Variants in AMDHD1 observed in about 807,000 individuals in gnomAD.
AMDHD1 encodes the protein amidohydrolase domain containing 1, also known as probable imidazolonepropionase.
In AMDHD1, 45 loss-of-function variants were observed where a neutral mutation model predicts 44.1. The ratio of observed to expected loss-of-function variants is 1.02; its 90% CI spans 0.80 to 1.31. The LOEUF (loss-of-function observed/expected upper bound fraction) is 1.31, where lower values mean the gene tolerates loss of function less well. AMDHD1 is among the 50% of genes most tolerant of loss of function. The pLI is 0.00. For synonymous variants in AMDHD1, 206 were observed against 205.0 expected (o/e 1.00, Z -0.04); for missense variants, 586 against 552.1 (o/e 1.06, Z -0.61).
intron 7 of AMDHD1, 29 bp from the exon 8 acceptor site, chr12:95,966,319 C>A: frequency 6.2e-7 from 1 of 1,611,088 alleles, no homozygotes; most frequent in Non-Finnish European, 8.5e-7. Flanking sequence ...ATGTCACTTT[C>A]CTCCAACACT....
At chr12:95,960,699 TC>T in intron 5 of AMDHD1, 76 bp downstream of exon 5, 1 of 1,403,200 alleles carries the variant, frequency 7.1e-7, no homozygotes, top group South Asian at 1.3e-5. Flanking sequence ...TTAATTAGTT[TC>T]TTCAAAGCCC....
At chr12:95,955,851 A>G (rs1314656155) in intron 3 of AMDHD1, among the ~76,000 whole-genome samples, 1 of 152,194 alleles carries the variant, frequency 6.6e-6, no homozygotes, top group Non-Finnish European at 1.5e-5. Context: ...GACCCTAGAA[A>G]GAGCCTCTTT....
chr12:95,952,939 C>A (rs59309593), intron 2 of AMDHD1, 116 bp downstream of exon 2: 64,871 of 616,974 alleles, frequency 0.11, 6,222 homozygotes, highest in East Asian at 0.42. Flanking sequence ...TAAAAAAAAT[C>A]ATCGTTCCAT....
intron 5 of AMDHD1, 71 bp downstream of exon 5, chr12:95,960,694 T>TA: frequency 7.0e-7 from 1 of 1,436,100 alleles, no homozygotes; most frequent in Non-Finnish European, 9.6e-7. Flanking sequence ...GAAACTTAAT[T>TA]AGTTTCTTCA....
intron 1 of AMDHD1, among the ~76,000 whole-genome samples, chr12:95,946,804 A>ACGGGGTTT (rs2080498918): frequency 8.6e-5 from 2 of 23,256 alleles, no homozygotes. Context: ...TTTGGTGGAG[A>ACGGGGTTT]CGGGGTTTCG....
At chr12:95,944,300 C>A (rs969768940) in intron 1 of AMDHD1, among the ~76,000 whole-genome samples, 2 of 151,862 alleles carry the variant, frequency 1.3e-5, no homozygotes, top group African/African-American at 4.8e-5. Flanking sequence ...AAGAGCCCAG[C>A]TTTTAAGGGA....
At chr12:95,949,719 GTTTTTTCACTTAGTCATAAATAGTGAA>G (rs1008593407) in intron 1 of AMDHD1, among the ~76,000 whole-genome samples, 10 of 152,126 alleles carry the variant, frequency 6.6e-5, no homozygotes, top group African/African-American at 2.2e-4. Context: ...TTGTATTCGG[GTTTTTTCACTTAGTCATAAATAGTGAA>G]AATCTCACCA....
Position 95,967,736 on chromosome 12 carries a change from G to GTT in AMDHD1, c.1194-6_1194-5dup, listed in dbSNP as rs55989254. The stretch of plus-strand genomic sequence containing the variant: ...TGCACACATTGAAGTAATATTTGTT[G>GTT]TTTTTTTTTTTTTTTCTAGATGGGA... On this transcript the variant is annotated intron_variant, in intron 8 of 8. Transcript: ENST00000266736. The GTT allele has an allele frequency of 0.062, 77,736 of 1,244,282 alleles. 150 individuals are homozygous for GTT. Among genetic ancestry groups the GTT allele is most frequent in the East Asian group, 0.21 (6,890 of 33,266 alleles). The allele number at this position is 1,244,282 out of a possible 1,614,324, so 77.1% of individuals were successfully genotyped here.
At chr12:95,963,032 T>C (rs1395024648) in intron 6 of AMDHD1, among the ~76,000 whole-genome samples, 3 of 152,226 alleles carry the variant, frequency 2.0e-5, no homozygotes, top group Non-Finnish European at 4.4e-5. Flanking sequence ...TTAGTTCGTC[T>C]GTTATTACTG....
chr12:95,963,719 TA>T (rs1368747478), intron 6 of AMDHD1, among the ~76,000 whole-genome samples: 9 of 152,188 alleles, frequency 5.9e-5, no homozygotes, highest in African/African-American at 2.2e-4. Flanking sequence ...TTTTGTTTTT[TA>T]TTTTTTTGGA....
At chr12:95,956,615 G>T in intron 3 of AMDHD1, 70 bp from the exon 4 acceptor site, 2 of 1,574,834 alleles carry the variant, frequency 1.3e-6, no homozygotes, top group South Asian at 1.2e-5. Context: ...ATTGCCCCTG[G>T]AAGTAGATTC....
chr12:95,963,279 C>T (rs1312784113), intron 6 of AMDHD1, among the ~76,000 whole-genome samples: 1 of 152,112 alleles, frequency 6.6e-6, no homozygotes, highest in Non-Finnish European at 1.5e-5. Flanking sequence ...CCTCAGGGGA[C>T]ATTTGGCAAT....
At chr12:95,958,185 T>C (rs182761609) in intron 4 of AMDHD1, among the ~76,000 whole-genome samples, 4 of 152,152 alleles carry the variant, frequency 2.6e-5, no homozygotes, top group Non-Finnish European at 4.4e-5. Flanking sequence ...TACATACTTA[T>C]CACTTTTTGT....
rs1336124443 is a variant in AMDHD1, at chr12:95,960,379, A to G, written c.588-19A>G. 2.5e-6 allele frequency: 4 copies of G among 1,608,266 alleles called. No homozygotes were observed. In the Admixed American group the frequency reaches 6.7e-5, roughly 27 times the overall value. On this transcript the variant is annotated intron_variant, in intron 4 of 8. Coordinates refer to ENST00000266736, the MANE Select transcript of AMDHD1 (RefSeq NM_152435.3). ...TTGTTTTTAATATTTGCCCATGGCA[A>G]TCTCATTTTCTTCCCCAGAGGAAAA...
intron 1 of AMDHD1, among the ~76,000 whole-genome samples, chr12:95,948,389 G>T (rs1267030613): frequency 1.6e-5 from 1 of 62,992 alleles, no homozygotes; most frequent in Non-Finnish European, 2.9e-5. Flanking sequence ...TGCCCGGCCA[G>T]TGGCCCCGTC....
chr12:95,943,403 C>A lies in AMDHD1; in HGVS notation c.5C>A (p.Ala2Glu). ...CGACCCTCGGCGCGAGGCGACATGGCAAGCGGCCACAGCCTCCTGCTGGAG... is the reference window on the plus strand; with the variant it reads ...CGACCCTCGGCGCGAGGCGACATGGAAAGCGGCCACAGCCTCCTGCTGGAG... M[A>E]SGHSLLLENA... is the part of the protein sequence containing the mutation. Residue 2 changes from alanine (A) to glutamate (E), a missense_variant, in exon 1 of 9, where the codon GCA becomes GAA. Physicochemically the swap from Ala to Glu is moderately radical, Grantham distance 107. Transcript: ENST00000266736. The A allele has an allele frequency of 1.3e-6, 2 of 1,496,922 alleles. No homozygotes were observed. Among genetic ancestry groups the A allele is most frequent in the Non-Finnish European group, 1.8e-6 (2 of 1,130,090 alleles). 92.7% of individuals were successfully genotyped at this position (1,496,922 alleles called of 1,614,324 possible). A position where few individuals can be genotyped will look rare whatever the true frequency, so the allele number is the denominator to read the frequency against.
chr12:95,966,290 T>G, intron 7 of AMDHD1, 58 bp from the exon 8 acceptor site: 1 of 1,593,672 alleles, frequency 6.3e-7, no homozygotes, highest in Non-Finnish European at 8.6e-7. Context: ...TGAGAAATGT[T>G]TTAAATTGCA....
chr12:95,963,023 T>C (rs1011226088), intron 6 of AMDHD1, among the ~76,000 whole-genome samples: 6 of 152,182 alleles, frequency 3.9e-5, no homozygotes, highest in Non-Finnish European at 5.9e-5. Context: ...TGAATATACT[T>C]AGTTCGTCTG....
Position 95,946,354 on chromosome 12 carries a change from G to A in AMDHD1, c.137+2819G>A, listed in dbSNP as rs1024762130. 3.3e-5 allele frequency among the ~76,000 whole-genome samples: 5 copies of A among 152,154 alleles called. No homozygotes were observed. The East Asian group carries it at 5.8e-4, about 18-fold the overall frequency. On this transcript the variant is annotated intron_variant, in intron 1 of 8. Coordinates refer to ENST00000266736, the MANE Select transcript of AMDHD1 (RefSeq NM_152435.3). ...CTAGAAGCCAATTAAACTGTCAGGTGGACAATGAACCTAAAATAGGACATT... is the reference window on the plus strand; with the variant it reads ...CTAGAAGCCAATTAAACTGTCAGGTAGACAATGAACCTAAAATAGGACATT...
Sources: gnomAD v4.1 joint callset for allele counts (sites outside exome capture counted in the v4.1 genomes callset) on GRCh38, gnomAD v4.1.1 for gene constraint, MANE v1.5 for transcripts, NCBI Gene and HGNC (gene_info 2026-07-23, HGNC 2026-07-21) for gene names.